Variants in MCPH1 observed in about 807,000 individuals in gnomAD.
The protein encoded by MCPH1 is microcephalin 1, also known as microcephalin.
Under a neutral mutation model 84.5 loss-of-function variants are expected in MCPH1, and 104 were observed. The ratio of observed to expected loss-of-function variants is 1.23; its 90% CI spans 1.05 to 1.45. The LOEUF (loss-of-function observed/expected upper bound fraction) is 1.45, where lower values mean the gene tolerates loss of function less well. MCPH1 is among the 40% of genes most tolerant of loss of function. The probability of loss-of-function intolerance (pLI) is 0.00; values close to 1 mark genes in which losing one functional copy is unlikely to be tolerated. For missense variants in MCPH1, 1,498 were observed against 1,005.7 expected (o/e 1.49, Z -6.62); for synonymous variants, 514 against 366.8 (o/e 1.40, Z -4.58).
chr8:6,488,114 G>C lies in MCPH1; in HGVS notation c.2136+7238G>C, dbSNP rs573454637. On this transcript the variant is annotated intron_variant, in intron 11 of 13. Transcript: ENST00000344683. ...TTTCACTTGAGGTGGTTCCTGAGCA[G>C]TGCCAGAGCTCATTCTCTGCGGAGG... is the stretch of plus-strand genomic sequence containing the variant. 1.5e-4 allele frequency among the ~76,000 whole-genome samples: 23 copies of C among 152,378 alleles called. 1 individual carries two copies. In the South Asian group the frequency reaches 4.8e-3, roughly 32 times the overall value.
intron 3 of MCPH1, among the ~76,000 whole-genome samples, chr8:6,420,032 T>C (rs76388369): frequency 0.043 from 6,559 of 151,918 alleles, 289 homozygotes; most frequent in African/African-American, 0.12. Context: ...ATAGTTTCTT[T>C]TATAGGTGAT....
chr8:6,504,297 G>A (rs894125839), intron 12 of MCPH1, among the ~76,000 whole-genome samples: 7 of 119,406 alleles, frequency 5.9e-5, no homozygotes, highest in Non-Finnish European at 9.6e-5. Context: ...CAGCCTGGGC[G>A]ACAGAGTGAG....
intron 12 of MCPH1, among the ~76,000 whole-genome samples, chr8:6,618,186 G>A (rs891800730): frequency 2.6e-5 from 4 of 152,214 alleles, no homozygotes; most frequent in African/African-American, 9.7e-5. Context: ...GAGGCTTTTC[G>A]CCTTGATCTC....
chr8:6,514,228 T>C (rs748368252), intron 12 of MCPH1, among the ~76,000 whole-genome samples: 3 of 152,206 alleles, frequency 2.0e-5, no homozygotes, highest in Non-Finnish European at 4.4e-5. Flanking sequence ...CTTACTCTGT[T>C]GCCCAGGCTG....
intron 12 of MCPH1, among the ~76,000 whole-genome samples, chr8:6,509,476 G>C (rs187466670): frequency 5.3e-5 from 8 of 152,222 alleles, no homozygotes; most frequent in Non-Finnish European, 8.8e-5. Flanking sequence ...GGGGCCCCGG[G>C]GGGGATGGAG....
chr8:6,529,498 C>T (rs1377651335), intron 12 of MCPH1, among the ~76,000 whole-genome samples: 1 of 150,200 alleles, frequency 6.7e-6, no homozygotes, highest in Non-Finnish European at 1.5e-5. Context: ...GTTGCCCAGG[C>T]TGCAGTGCGG....
At chr8:6,513,431 C>G (rs1326802697) in intron 12 of MCPH1, among the ~76,000 whole-genome samples, 1 of 151,074 alleles carries the variant, frequency 6.6e-6, no homozygotes, top group African/African-American at 2.4e-5. Context: ...CTCCCGGGTT[C>G]ACGCCATTCT....
At chr8:6,539,695 T>A (rs1413993439) in intron 12 of MCPH1, among the ~76,000 whole-genome samples, 1 of 152,152 alleles carries the variant, frequency 6.6e-6, no homozygotes, top group South Asian at 2.1e-4. Flanking sequence ...CAAACGATTC[T>A]CCCGCCTCAG....
At chr8:6,486,946 A>C (rs1416664057) in intron 11 of MCPH1, among the ~76,000 whole-genome samples, 2 of 152,188 alleles carry the variant, frequency 1.3e-5, no homozygotes, top group African/African-American at 2.4e-5. Flanking sequence ...CTAAAATTCT[A>C]CTTTCCCTCG....
At chr8:6,460,599 C>T (rs538591658) in intron 9 of MCPH1, among the ~76,000 whole-genome samples, 1 of 152,164 alleles carries the variant, frequency 6.6e-6, no homozygotes, top group South Asian at 2.1e-4. Context: ...ATGCATATTT[C>T]TTTTGAAATA....
chr8:6,503,973 A>G (rs1268364364), intron 12 of MCPH1, among the ~76,000 whole-genome samples: 1 of 152,208 alleles, frequency 6.6e-6, no homozygotes, highest in Non-Finnish European at 1.5e-5. Flanking sequence ...GCACTTTCAG[A>G]TACCTGAAGT....
chr8:6,550,019 G>C (rs1823343080), intron 12 of MCPH1, among the ~76,000 whole-genome samples: 1 of 152,210 alleles, frequency 6.6e-6, no homozygotes, highest in Non-Finnish European at 1.5e-5. Context: ...TCGGGGACGG[G>C]GGACGTGCTG....
At position 6,520,022 on chromosome 8, in the gene MCPH1, C is replaced by T. The variant is rs532699897; in HGVS notation, c.2214+20093C>T. ...TTTAAAAAATAGTAAGGCATTTAAA[C>T]GGAGTTCATGAAAAGACAAAGACTT... On this transcript the variant is annotated intron_variant, in intron 12 of 13. Coordinates refer to ENST00000344683, the MANE Select transcript of MCPH1 (RefSeq NM_024596.5). 4.1e-5 allele frequency: 66 copies of T among 1,609,120 alleles called. No homozygotes were observed. In the Admixed American group the frequency reaches 4.5e-4, roughly 11 times the overall value.
At chr8:6,640,972 G>T (rs1376419148) in intron 13 of MCPH1, among the ~76,000 whole-genome samples, 1 of 152,004 alleles carries the variant, frequency 6.6e-6, no homozygotes, top group Admixed American at 6.6e-5. Flanking sequence ...CTCGTCCATT[G>T]ATCTGTTTGT....
Position 6,436,154 on chromosome 8 carries a change from C to T in MCPH1, c.428C>T (p.Thr143Ile). ...KMAKELQRQK[T>I]NLDDDVPILL... is the part of the protein sequence containing the mutation. ...GCTAAAGAGCTACAAAGGCAAAAAA[C>T]AAATCTAGGTAAGCTAAGAAATATA... Residue 143 changes from threonine (T) to isoleucine (I), a missense_variant, in exon 5 of 14, where the codon ACA becomes ATA. By Grantham distance (89) the Thr-to-Ile change is moderately conservative. Transcript: ENST00000344683. The T allele has an allele frequency of 1.2e-6, 2 of 1,613,120 alleles. No homozygotes were observed. The highest frequency in any genetic ancestry group is 1.3e-5 in the African/African-American group (1 of 75,018).
At chr8:6,450,151 A>G (rs543893070) in intron 8 of MCPH1, among the ~76,000 whole-genome samples, 15 of 152,318 alleles carry the variant, frequency 9.8e-5, no homozygotes, top group African/African-American at 3.4e-4. Flanking sequence ...GGTCTTGTTC[A>G]TCGATAATAG....
At chr8:6,468,182 C>T (rs963467041) in intron 9 of MCPH1, among the ~76,000 whole-genome samples, 2 of 152,198 alleles carry the variant, frequency 1.3e-5, no homozygotes, top group African/African-American at 2.4e-5. Context: ...CTGCCTGCAC[C>T]TCACGGTCTT....
chr8:6,527,613 A>G, intron 12 of MCPH1: 6 of 1,613,870 alleles, frequency 3.7e-6, no homozygotes, highest in South Asian at 2.2e-5. Context: ...TGTTTTTCCA[A>G]TTTGTTTGTC....
At chr8:6,613,626 G>T (rs974062691) in intron 12 of MCPH1, among the ~76,000 whole-genome samples, 2 of 152,100 alleles carry the variant, frequency 1.3e-5, no homozygotes, top group Non-Finnish European at 2.9e-5. Context: ...AAGGGACCGG[G>T]GGGTGAGGGG....
Sources: allele counts gnomAD v4.1 joint callset (sites outside exome capture counted in the v4.1 genomes callset), GRCh38; gene constraint gnomAD v4.1.1; transcripts MANE v1.5; gene names NCBI Gene and HGNC (gene_info 2026-07-23, HGNC 2026-07-21).